CFAP54: variants seen among roughly 807,000 people sequenced by gnomAD.
CFAP54 encodes cilia and flagella associated protein 54, also known as cilia- and flagella-associated protein 54.
In CFAP54, 290 loss-of-function variants were observed where a neutral mutation model predicts 370.4. The observed-to-expected ratio is 0.78, with a 90% CI of 0.71 to 0.86. The LOEUF (loss-of-function observed/expected upper bound fraction) is 0.86, where lower values mean the gene tolerates loss of function less well. Among genes scored for constraint, CFAP54 ranks in the 40% least tolerant of loss-of-function variants. CFAP54 has a pLI of 0.00. For missense variants in CFAP54, 3,399 were observed against 3,528.7 expected (o/e 0.96, Z 0.93); for synonymous variants, 1,206 against 1,236.5 (o/e 0.98, Z 0.52).
At chr12:96,767,817 C>T (rs1459274168) in intron 60 of CFAP54, among the ~76,000 whole-genome samples, 1 of 152,070 alleles carries the variant, frequency 6.6e-6, no homozygotes, top group East Asian at 1.9e-4. Context: ...AAAAAACCTC[C>T]TCAGTAATCT....
At chr12:96,634,256 A>C (rs1022181949) in intron 32 of CFAP54, among the ~76,000 whole-genome samples, 2 of 151,458 alleles carry the variant, frequency 1.3e-5, no homozygotes, top group African/African-American at 4.9e-5. Flanking sequence ...GGGTTTCACT[A>C]TGTTGGTCAG....
At chr12:96,838,768 C>T (rs960732162) in intron 66 of CFAP54, among the ~76,000 whole-genome samples, 1 of 152,094 alleles carries the variant, frequency 6.6e-6, no homozygotes, top group Non-Finnish European at 1.5e-5. Context: ...GTCCTTGACC[C>T]AAAAAGGCTG....
rs67950152 is a variant in CFAP54, at chr12:96,553,474, CTA to C, written c.2155-699_2155-698del. On this transcript the variant is annotated intron_variant, in intron 15 of 67. Transcript: ENST00000524981. ...GAGGAGTGGCACTGTGGACAGTTAA[CTA>C]TATATATAGTTATATATATATATAG... is the stretch of plus-strand genomic sequence containing the variant. Among the ~76,000 whole-genome samples the C allele has an allele frequency of 9.9e-3, 1,427 of 144,646 alleles. 15 individuals carry two copies. Among genetic ancestry groups the C allele is most frequent in the Middle Eastern group, 0.026 (7 of 270 alleles). The allele number at this position is 144,646 out of a possible 152,430, so 94.9% of individuals were successfully genotyped here.
chr12:96,517,016 TC>T (rs1028308244), intron 5 of CFAP54, among the ~76,000 whole-genome samples: 2 of 151,798 alleles, frequency 1.3e-5, no homozygotes, highest in African/African-American at 4.8e-5. Flanking sequence ...TTTTTTTTTT[TC>T]CATGAAGAGA....
At chr12:96,646,794 C>G (rs1191600744) in intron 33 of CFAP54, 1 of 152,122 alleles carries the variant, frequency 6.6e-6, no homozygotes, top group Non-Finnish European at 1.5e-5. Flanking sequence ...GAGTTCATGT[C>G]CTTTGTAGGG....
intron 26 of CFAP54, among the ~76,000 whole-genome samples, chr12:96,603,661 C>G (rs1269234174): frequency 1.3e-5 from 2 of 152,140 alleles, no homozygotes; most frequent in Non-Finnish European, 2.9e-5. Context: ...TTTCTTTTTA[C>G]TCTTTTTTCT....
intron 20 of CFAP54, among the ~76,000 whole-genome samples, chr12:96,577,654 T>G (rs1955991935): frequency 6.6e-6 from 1 of 152,148 alleles, no homozygotes; most frequent in African/African-American, 2.4e-5. Flanking sequence ...TTTTTTTCAT[T>G]TGGAAAGTGT....
intron 55 of CFAP54, among the ~76,000 whole-genome samples, chr12:96,750,566 C>A (rs1262825727): frequency 1.3e-5 from 2 of 152,152 alleles, no homozygotes; most frequent in Admixed American, 1.3e-4. Flanking sequence ...TTCCTTCCAG[C>A]TTGTTGATCT....
chr12:96,872,902 G>T (rs146453865), intron 67 of CFAP54, among the ~76,000 whole-genome samples: 1 of 152,134 alleles, frequency 6.6e-6, no homozygotes, highest in Admixed American at 6.5e-5. Flanking sequence ...AACTGGAATG[G>T]CTGCCTATCC....
Position 96,499,603 on chromosome 12 carries a change from G to A in CFAP54, c.318-1231G>A, listed in dbSNP as rs1565875321. On this transcript the variant is annotated intron_variant, in intron 1 of 67. Transcript: ENST00000524981. ...TCTTACCATAACATTCACCCCTTGT[G>A]CTCCTTGGTATTTACCCAAAGGAAT... Among the ~76,000 whole-genome samples the A allele has an allele frequency of 2.6e-5, 4 of 152,122 alleles. No individual in the cohort carries two copies. The South Asian group carries it at 8.3e-4, about 32-fold the overall frequency.
At chr12:96,552,943 C>T (rs947626848) in intron 15 of CFAP54, among the ~76,000 whole-genome samples, 2 of 152,080 alleles carry the variant, frequency 1.3e-5, no homozygotes, top group African/African-American at 2.4e-5. Context: ...TCCATAGTGG[C>T]GAATAGATGA....
At position 96,765,062 on chromosome 12, in the gene CFAP54, A is replaced by G. The variant is rs749733574; in HGVS notation, c.8140-15A>G. On this transcript the variant is annotated splice_polypyrimidine_tract_variant and intron_variant, in intron 59 of 67. Coordinates refer to ENST00000524981, the MANE Select transcript of CFAP54 (RefSeq NM_001306084.2). ...AAGCTTATATTTATAATTCTAATTTATGCATTAATTGTAGGTCAGTGAAGC... is the reference window on the plus strand; with the variant it reads ...AAGCTTATATTTATAATTCTAATTTGTGCATTAATTGTAGGTCAGTGAAGC... The G allele has an allele frequency of 5.0e-6, 7 of 1,400,028 alleles. No homozygotes were observed. In the Admixed American group the frequency reaches 1.4e-4, roughly 27 times the overall value. 86.7% of individuals were successfully genotyped at this position (1,400,028 alleles called of 1,614,324 possible).
intron 63 of CFAP54, among the ~76,000 whole-genome samples, chr12:96,805,047 G>T (rs757461477): frequency 6.6e-6 from 1 of 152,110 alleles, no homozygotes; most frequent in Non-Finnish European, 1.5e-5. Context: ...GCCATTTGCA[G>T]AAGAATGAAA....
intron 67 of CFAP54, among the ~76,000 whole-genome samples, chr12:96,871,422 A>G (rs930733912): frequency 2.0e-5 from 3 of 152,234 alleles, no homozygotes; most frequent in Admixed American, 6.5e-5. Flanking sequence ...TCAAACCTCC[A>G]TAAGATAAAA....
intron 3 of CFAP54, among the ~76,000 whole-genome samples, chr12:96,504,300 G>C (rs1349089404): frequency 6.6e-6 from 1 of 151,950 alleles, no homozygotes; most frequent in Non-Finnish European, 1.5e-5. Flanking sequence ...AGTTTATAAA[G>C]TGCTTTGGAA....
In CFAP54 at chr12:96,712,221, T is replaced by C. The variant is rs1041544758; in HGVS notation, c.6724+3418T>C. ...ACCATTACTTACTGCGTTTCAGACT[T>C]TGGATGTCTCTTTTGCCTGAGATGT... On this transcript the variant is annotated intron_variant, in intron 48 of 67. Coordinates refer to ENST00000524981, the MANE Select transcript of CFAP54 (RefSeq NM_001306084.2). Among the ~76,000 whole-genome samples, 3 of 152,190 alleles carry C rather than the reference T, an allele frequency of 2.0e-5. No homozygotes were observed. The East Asian group carries it at 5.8e-4, about 29-fold the overall frequency.
At chr12:96,524,103 A>G (rs1955349365) in intron 8 of CFAP54, among the ~76,000 whole-genome samples, 1 of 152,098 alleles carries the variant, frequency 6.6e-6, no homozygotes, top group Non-Finnish European at 1.5e-5. Flanking sequence ...CATTGAACAT[A>G]TTTTCTAAAA....
chr12:96,538,486 G>A lies in CFAP54; in HGVS notation c.1894G>A (p.Ala632Thr). Reference protein sequence around the residue: ...QRLNISRNDYAKFTQKISTNK... With the variant: ...QRLNISRNDYTKFTQKISTNK... ...GCTCAATATATCCAGAAATGACTAT[G>A]CAAAATTCACCCAGAAAATCAGTAC... Residue 632 changes from alanine to threonine, a missense_variant, in exon 13 of 68, where the codon GCA becomes ACA. This residue lies in a region of CFAP54 where 2,796 missense variants were observed against 2,869.7 expected (regional missense o/e 0.97). Transcript: ENST00000524981. 6.5e-7 allele frequency: 1 copy of A among 1,536,100 alleles called. No individual in the cohort carries two copies. The highest frequency in any genetic ancestry group is 8.7e-7 in the Non-Finnish European group (1 of 1,146,830).
chr12:96,605,839 C>G (rs1956293718), intron 26 of CFAP54, among the ~76,000 whole-genome samples: 1 of 152,102 alleles, frequency 6.6e-6, no homozygotes, highest in African/African-American at 2.4e-5. Flanking sequence ...GAAGGCTTCA[C>G]TCTGGGGATG....
Sources: allele counts gnomAD v4.1 joint callset (sites outside exome capture counted in the v4.1 genomes callset), GRCh38; gene constraint gnomAD v4.1.1; regional missense constraint gnomAD v4.1.1; transcripts MANE v1.5; gene names NCBI Gene and HGNC (gene_info 2026-07-23, HGNC 2026-07-21).